Variants in TRAF3 observed in about 807,000 individuals in gnomAD.
The protein encoded by TRAF3 is TNF receptor associated factor 3, also known as TNF receptor-associated factor 3.
A neutral mutation model predicts 62.3 loss-of-function variants in TRAF3; 13 were observed. The ratio of observed to expected loss-of-function variants is 0.21; its 90% confidence interval spans 0.14 to 0.33. TRAF3 has a LOEUF of 0.33. Among genes scored for constraint, TRAF3 ranks in the 10% least tolerant of loss-of-function variants. The pLI is 1.00. For synonymous variants in TRAF3, 269 were observed against 283.4 expected (o/e 0.95, Z 0.51); for missense variants, 440 against 741.8 (o/e 0.59, Z 4.73).
At chr14:102,783,605 T>C (rs1897354960) in intron 1 of TRAF3, among the ~76,000 whole-genome samples, 3 of 152,240 alleles carry the variant, frequency 2.0e-5, no homozygotes, top group Non-Finnish European at 4.4e-5. Flanking sequence ...GAATTTTACA[T>C]TGTACTCAGT....
At chr14:102,868,660 C>G (rs74082934) in intron 2 of TRAF3, among the ~76,000 whole-genome samples, 15 of 152,110 alleles carry the variant, frequency 9.9e-5, no homozygotes, top group African/African-American at 3.6e-4. Context: ...AAAACAAAGA[C>G]CAGAGAAGCC....
intron 2 of TRAF3, among the ~76,000 whole-genome samples, chr14:102,853,074 G>GC (rs1887142898): frequency 6.6e-6 from 1 of 151,966 alleles, no homozygotes; most frequent in Non-Finnish European, 1.5e-5. Context: ...GCTAATTTTT[G>GC]TATTTTTAGT....
intron 1 of TRAF3, among the ~76,000 whole-genome samples, chr14:102,821,573 A>G (rs1400620912): frequency 6.6e-6 from 1 of 152,240 alleles, no homozygotes; most frequent in Non-Finnish European, 1.5e-5. Context: ...CTGGGGACCA[A>G]CTTATAAAGT....
At chr14:102,829,810 A>C (rs1900556333) in intron 1 of TRAF3, among the ~76,000 whole-genome samples, 1 of 152,144 alleles carries the variant, frequency 6.6e-6, no homozygotes, top group Admixed American at 6.5e-5. Context: ...TCATTGCCGA[A>C]GATCTGTTTG....
intron 1 of TRAF3, among the ~76,000 whole-genome samples, chr14:102,786,175 C>T (rs1307313123): frequency 1.3e-5 from 2 of 152,186 alleles, no homozygotes; most frequent in Non-Finnish European, 2.9e-5. Context: ...CTCTTCCTTT[C>T]TAAGCCTCAG....
intron 5 of TRAF3, among the ~76,000 whole-genome samples, 197 bp from the exon 6 acceptor site, chr14:102,876,161 T>C (rs1265451932): frequency 1.3e-5 from 2 of 152,190 alleles, no homozygotes; most frequent in Non-Finnish European, 2.9e-5. Context: ...TCAACAACAA[T>C]ATGGTTTGAG....
chr14:102,869,971 TAATATC>T (rs1888237856), intron 2 of TRAF3, among the ~76,000 whole-genome samples: 1 of 152,156 alleles, frequency 6.6e-6, no homozygotes, highest in South Asian at 2.1e-4. Flanking sequence ...TTTTGAATAA[TAATATC>T]AATAGTTACT....
intron 2 of TRAF3, among the ~76,000 whole-genome samples, chr14:102,862,025 T>G (rs998315278): frequency 4.6e-5 from 7 of 152,236 alleles, no homozygotes; most frequent in Non-Finnish European, 8.8e-5. Flanking sequence ...TAATCTCATT[T>G]GGTGCTCAAA....
intron 1 of TRAF3, among the ~76,000 whole-genome samples, chr14:102,824,099 T>C (rs1436816906): frequency 1.3e-5 from 2 of 152,240 alleles, no homozygotes; most frequent in Non-Finnish European, 2.9e-5. Context: ...GACATGTCAT[T>C]TCTCTTGGGA....
intron 2 of TRAF3, among the ~76,000 whole-genome samples, chr14:102,840,823 T>G (rs576457756): frequency 1.1e-4 from 17 of 152,334 alleles, no homozygotes; most frequent in African/African-American, 4.1e-4. Flanking sequence ...ATAGTTTTCA[T>G]ACATTTGACA....
chr14:102,860,406 G>A (rs948629846), intron 2 of TRAF3, among the ~76,000 whole-genome samples: 2 of 152,178 alleles, frequency 1.3e-5, no homozygotes, highest in African/African-American at 4.8e-5. Context: ...AACAGGGTAT[G>A]TGGTGCCTCC....
At chr14:102,845,585 G>A (rs937578415) in intron 2 of TRAF3, among the ~76,000 whole-genome samples, 1 of 149,764 alleles carries the variant, frequency 6.7e-6, no homozygotes, top group Non-Finnish European at 1.5e-5. Context: ...GCGCCATCTC[G>A]GCTCACTGCA....
At chr14:102,891,461 C>G (rs1375997662) in intron 9 of TRAF3, 44 bp downstream of exon 9, 1 of 1,566,956 alleles carries the variant, frequency 6.4e-7, no homozygotes, top group African/African-American at 1.4e-5. Flanking sequence ...TGTATCATCT[C>G]TTCAGATTAT....
chr14:102,836,158 A>G (rs2139654681), intron 2 of TRAF3, among the ~76,000 whole-genome samples: 1 of 152,332 alleles, frequency 6.6e-6, no homozygotes, highest in African/African-American at 2.4e-5. Context: ...TGCAAGGTGT[A>G]CTGCCTGCAC....
Position 102,854,554 on chromosome 14 carries a change from G to A in TRAF3, c.-17-15631G>A, listed in dbSNP as rs148952436. ...ACTTTTGTGTTGCCCAGGCTGCAGT[G>A]CAGTAGTGCAAACATGGCTCACTGC... On this transcript the variant is annotated intron_variant, in intron 2 of 11. Transcript: ENST00000392745. 3.9e-3 allele frequency among the ~76,000 whole-genome samples: 598 copies of A among 152,252 alleles called. 7 individuals carry two copies. The highest frequency in any genetic ancestry group is 0.013 in the African/African-American group (557 of 41,542).
intron 11 of TRAF3, 56 bp from the exon 12 acceptor site, chr14:102,905,157 C>T: frequency 1.3e-6 from 2 of 1,548,794 alleles, no homozygotes; most frequent in South Asian, 2.2e-5. Context: ...CTTTGCTTTC[C>T]TAACCTCTCT....
intron 10 of TRAF3, among the ~76,000 whole-genome samples, chr14:102,901,261 A>G (rs1159093115): frequency 1.3e-5 from 2 of 151,970 alleles, no homozygotes; most frequent in Non-Finnish European, 2.9e-5. Flanking sequence ...GCTCGGTGCC[A>G]TCCCCCTCTT....
chr14:102,902,589 C>T (rs1890359150), intron 10 of TRAF3, among the ~76,000 whole-genome samples: 1 of 152,230 alleles, frequency 6.6e-6, no homozygotes. Flanking sequence ...CCTGCACTTA[C>T]AGGGGTGAGG....
intron 1 of TRAF3, among the ~76,000 whole-genome samples, chr14:102,816,817 C>T (rs1170192278): frequency 6.6e-6 from 1 of 152,116 alleles, no homozygotes; most frequent in African/African-American, 2.4e-5. Flanking sequence ...CTCCTGTGCC[C>T]GCTGCCAGGA....
Sources: gnomAD v4.1 joint callset for allele counts (sites outside exome capture counted in the v4.1 genomes callset) on GRCh38, gnomAD v4.1.1 for gene constraint, MANE v1.5 for transcripts, NCBI Gene and HGNC (gene_info 2026-07-23, HGNC 2026-07-21) for gene names.